The following ABL2 variants were observed in gnomAD, a reference collection of about 807,000 sequenced individuals.
ABL2 encodes the protein ABL proto-oncogene 2, non-receptor tyrosine kinase, also known as tyrosine-protein kinase ABL2.
A neutral mutation model predicts 107.7 loss-of-function variants in ABL2; 49 were observed. The ratio of observed to expected loss-of-function variants is 0.45; its 90% confidence interval spans 0.36 to 0.58. The LOEUF (loss-of-function observed/expected upper bound fraction) is 0.58, where lower values mean the gene tolerates loss of function less well. ABL2 is among the 20% of genes least tolerant of loss of function. The probability of loss-of-function intolerance (pLI) is 0.00; values close to 1 mark genes in which losing one functional copy is unlikely to be tolerated. For missense variants in ABL2, 1,245 were observed against 1,457.0 expected (o/e 0.85, Z 2.37); for synonymous variants, 549 against 548.6 (o/e 1.00, Z -0.01).
intron 1 of ABL2, among the ~76,000 whole-genome samples, chr1:179,212,812 C>T (rs1242667367): frequency 6.6e-6 from 1 of 150,610 alleles, no homozygotes; most frequent in Non-Finnish European, 1.5e-5. Flanking sequence ...TTTGGGAGGC[C>T]GAGGCAAGAG....
intron 9 of ABL2, 91 bp from the exon 10 acceptor site, chr1:179,112,489 C>T (rs1654186680): frequency 3.2e-6 from 3 of 927,808 alleles, no homozygotes; most frequent in Non-Finnish European, 5.0e-6. Context: ...CATCATGATG[C>T]ACACTTATTA....
intron 1 of ABL2, among the ~76,000 whole-genome samples, chr1:179,179,700 G>C (rs1660259060): frequency 6.6e-6 from 1 of 152,064 alleles, no homozygotes; most frequent in East Asian, 1.9e-4. Context: ...GAGGACTCTT[G>C]GCCTGAGTCT....
rs1407475812 is a variant in ABL2 at position 179,118,657 on chromosome 1, C to T, written c.1153G>A (p.Val385Met). 6.2e-7 allele frequency: 1 copy of T among 1,613,754 alleles called. No individual in the cohort carries two copies. Among genetic ancestry groups the T allele is most frequent in the African/African-American group, 1.3e-5 (1 of 74,810 alleles). ...ECNREEVTAV[V>M]LLYMATQISS... ...ATCTGAGTGGCCATGTAGAGCAGCA[C>T]AACTGCAGTCACCTCTTCTCGGTTG... The change falls in exon 7 of 12, where the codon GTG becomes ATG. Residue 385 changes from valine to methionine, a missense_variant. Transcript: ENST00000502732.
chr1:179,135,305 C>T (rs1166960321), intron 1 of ABL2, among the ~76,000 whole-genome samples: 1 of 146,980 alleles, frequency 6.8e-6, no homozygotes, highest in Non-Finnish European at 1.5e-5. Flanking sequence ...TTCCCGGCCG[C>T]CATCACATCT....
Position 179,126,775 on chromosome 1 carries a change from ATCT to A in ABL2, c.392-106_392-104del. Reference sequence around the variant, plus strand: ...TTAAACTCATTAAAAAAAAAAAAGAATCTAGAACTTTTATGCCAAATTTTTTTT... The same window carrying A: ...TTAAACTCATTAAAAAAAAAAAAGAAAGAACTTTTATGCCAAATTTTTTTT... On this transcript the variant is annotated intron_variant, in intron 3 of 11. Coordinates refer to ENST00000502732, the MANE Select transcript of ABL2 (RefSeq NM_007314.4). This position sits in a 1 kb window ranked among gnomAD's most constrained non-coding sequence, Gnocchi z 4.4. The A allele has an allele frequency of 2.5e-6, 3 of 1,219,526 alleles. No homozygotes were observed. The highest frequency in any genetic ancestry group is 1.5e-5 in the African/African-American group (1 of 65,650). The allele number at this position is 1,219,526 out of a possible 1,614,324, so 75.5% of individuals were successfully genotyped here. A position where few individuals can be genotyped will look rare whatever the true frequency, so the allele number is the denominator to read the frequency against.
At chr1:179,127,677 T>A (rs1457795971) in intron 3 of ABL2, among the ~76,000 whole-genome samples, 1 of 152,192 alleles carries the variant, frequency 6.6e-6, no homozygotes, top group Non-Finnish European at 1.5e-5. Context: ...CAAGTCTTCC[T>A]ACAGCATTCA....
intron 1 of ABL2, chr1:179,184,086 T>C: frequency 3.7e-6 from 1 of 269,360 alleles, no homozygotes; most frequent in Middle Eastern, 1.5e-3. Flanking sequence ...TCAGAAGAGG[T>C]GAGAATTGAT....
At position 179,110,267 on chromosome 1, in the gene ABL2, C is replaced by T. The variant is rs1290866439; in HGVS notation, c.1825+15G>A. 1.4e-5 allele frequency: 22 copies of T among 1,614,010 alleles called. No homozygotes were observed. The highest frequency in any genetic ancestry group is 1.9e-5 in the Non-Finnish European group (22 of 1,179,938). ...GCAGTTTCTATTTTGATTCTACCTG[C>T]TAAGGGACCCATACCTGGTGCTAAA... On this transcript the variant is annotated intron_variant, in intron 11 of 11. Transcript: ENST00000502732.
At position 179,118,879 on chromosome 1, in the gene ABL2, C is replaced by G. The variant is rs186750679; in HGVS notation, c.1046-115G>C. On this transcript the variant is annotated intron_variant, in intron 6 of 11. Transcript: ENST00000502732. ...GGTCTAGTTCGGCAATAATCTTTTC[C>G]CTTCTTACCACCACGTTCTCTGAAA... is the stretch of plus-strand genomic sequence containing the variant. 4.8e-5 allele frequency: 53 copies of G among 1,101,574 alleles called. No individual in the cohort carries two copies. In the East Asian group the frequency reaches 8.4e-4, roughly 17 times the overall value. The allele number at this position is 1,101,574 out of a possible 1,614,324, so 68.2% of individuals were successfully genotyped here.
intron 1 of ABL2, among the ~76,000 whole-genome samples, chr1:179,209,110 T>A (rs1662133798): frequency 6.6e-6 from 1 of 152,188 alleles, no homozygotes; most frequent in Admixed American, 6.5e-5. Flanking sequence ...CAAAGAGGTC[T>A]CTCTGACCTT....
At chr1:179,211,288 C>A (rs544333378) in intron 1 of ABL2, among the ~76,000 whole-genome samples, 9 of 152,166 alleles carry the variant, frequency 5.9e-5, no homozygotes, top group African/African-American at 2.2e-4. Flanking sequence ...GAGGCTGAGG[C>A]GGGAGAATTG....
chr1:179,130,141 C>T (rs974288925), intron 3 of ABL2, among the ~76,000 whole-genome samples: 3 of 152,160 alleles, frequency 2.0e-5, no homozygotes, highest in Admixed American at 6.5e-5. Flanking sequence ...GGGGTTTCAC[C>T]GTGTTGCCCA....
chr1:179,195,664 T>C (rs971881582), intron 1 of ABL2, among the ~76,000 whole-genome samples: 2 of 151,782 alleles, frequency 1.3e-5, no homozygotes, highest in Non-Finnish European at 1.5e-5. Flanking sequence ...ATAAAGAAAA[T>C]GGGCTACATA....
chr1:179,174,530 A>ATG (rs1401667321), intron 1 of ABL2, among the ~76,000 whole-genome samples: 2 of 151,726 alleles, frequency 1.3e-5, no homozygotes, highest in Non-Finnish European at 2.9e-5. Flanking sequence ...AAATATATAT[A>ATG]TGTGTGTGTA....
At chr1:179,200,039 CTTTTT>C (rs55873652) in intron 1 of ABL2, among the ~76,000 whole-genome samples, 31,030 of 83,692 alleles carry the variant, frequency 0.37, 5,284 homozygotes, top group East Asian at 0.52. Flanking sequence ...CCCCCAATGC[CTTTTT>C]TTTTTTTTTT....
chr1:179,187,025 C>T (rs1235044356), intron 1 of ABL2, among the ~76,000 whole-genome samples: 1 of 152,220 alleles, frequency 6.6e-6, no homozygotes, highest in Non-Finnish European at 1.5e-5. Context: ...AGCCACCACG[C>T]CCGGCCCCAT....
In ABL2 at chr1:179,229,463, C is replaced by G; in HGVS notation, c.-66G>C. 1 of 1,411,602 alleles carries G rather than the reference C, an allele frequency of 7.1e-7. No individual in the cohort carries two copies. Among genetic ancestry groups the G allele is most frequent in the Non-Finnish European group, 9.2e-7 (1 of 1,088,608 alleles). 87.4% of individuals were successfully genotyped at this position (1,411,602 alleles called of 1,614,324 possible). A position where few individuals can be genotyped will look rare whatever the true frequency, so the allele number is the denominator to read the frequency against. On this transcript the variant is annotated 5_prime_UTR_variant, in exon 1 of 12. Coordinates refer to ENST00000502732, the MANE Select transcript of ABL2 (RefSeq NM_007314.4). ...TCACATTCCTCCTCGGCTCCGGCCT[C>G]GGGCTCCTGGCGCTGCTCCGGTCTC...
At chr1:179,141,476 C>T (rs549412087) in intron 1 of ABL2, among the ~76,000 whole-genome samples, 131 of 152,212 alleles carry the variant, frequency 8.6e-4, no homozygotes, top group African/African-American at 3.0e-3. Context: ...ATGAGATCTA[C>T]AGCACGATTT....
In ABL2 at chr1:179,109,023, G is replaced by A. The variant is rs1653769845; in HGVS notation, c.2244C>T (p.Ile748=). 1 of 1,613,466 alleles carries A rather than the reference G, an allele frequency of 6.2e-7. No individual in the cohort carries two copies. The highest frequency in any genetic ancestry group is 1.7e-5 in the Admixed American group (1 of 59,992). Residue 748 remains isoleucine, a synonymous_variant, in exon 12 of 12, where the codon ATC becomes ATT. Coordinates refer to ENST00000502732, the MANE Select transcript of ABL2 (RefSeq NM_007314.4). ...SGTAGGGWSG[I]TGFFTPRLIK... ...TTAAGCGTGGTGTAAAGAAGCCTGT[G>A]ATGCCAGACCACCCACCCCCAGCAG...
Sources: allele counts gnomAD v4.1 joint callset (sites outside exome capture counted in the v4.1 genomes callset), GRCh38; gene constraint gnomAD v4.1.1; non-coding constraint Gnocchi (gnomAD v3.1); transcripts MANE v1.5; gene names NCBI Gene and HGNC (gene_info 2026-07-23, HGNC 2026-07-21).